Variants in DAB1 observed in about 807,000 individuals in gnomAD.
The protein encoded by DAB1 is DAB adaptor protein 1.
In DAB1, 15 loss-of-function variants were observed where a neutral mutation model predicts 64.6. That is an observed-to-expected ratio of 0.23 (90% CI 0.16 to 0.36). The LOEUF (loss-of-function observed/expected upper bound fraction) is 0.36. DAB1 is among the 10% of genes least tolerant of loss of function. The probability of loss-of-function intolerance (pLI) is 1.00; values close to 1 mark genes in which losing one functional copy is unlikely to be tolerated. For missense variants in DAB1, 596 were observed against 706.7 expected (o/e 0.84, Z 1.78); for synonymous variants, 235 against 251.9 (o/e 0.93, Z 0.64).
At chr1:57,313,414 G>A (rs1558146433) in intron 1 of DAB1, among the ~76,000 whole-genome samples, 1 of 152,170 alleles carries the variant, frequency 6.6e-6, no homozygotes, top group Non-Finnish European at 1.5e-5. Flanking sequence ...ATTATGACAA[G>A]CATAATCTTT....
Position 58,144,770 on chromosome 1 carries a change from G to A in DAB1, n.387+5741C>T, listed in dbSNP as rs114292969. Among the ~76,000 whole-genome samples, 580 of 152,304 alleles carry A rather than the reference G, an allele frequency of 3.8e-3. 4 individuals carry two copies. Among genetic ancestry groups the A allele is most frequent in the African/African-American group, 0.013 (558 of 41,558 alleles). On this transcript the variant is annotated intron_variant and non_coding_transcript_variant, in intron 5 of 20. Coordinates refer to the DAB1 transcript ENST00000485760. Reference sequence around the variant, plus strand: ...GCAGCAAGCAGCAGAGCCTGAATGAGAACACAAATGTCCTGATTGCCCAGG... The same window carrying A: ...GCAGCAAGCAGCAGAGCCTGAATGAAAACACAAATGTCCTGATTGCCCAGG...
At chr1:58,220,960 T>C (rs1659134822) in intron 4 of DAB1, among the ~76,000 whole-genome samples, 2 of 151,578 alleles carry the variant, frequency 1.3e-5, no homozygotes, top group South Asian at 2.1e-4. Context: ...TTGTGATCAT[T>C]GGCCAGCCCA....
At chr1:57,060,220 G>A (rs888946004) in intron 9 of DAB1, among the ~76,000 whole-genome samples, 3 of 151,020 alleles carry the variant, frequency 2.0e-5, no homozygotes, top group South Asian at 2.1e-4. Context: ...GCGCCATCTC[G>A]GCTCACTGCA....
intron 9 of DAB1, among the ~76,000 whole-genome samples, chr1:57,043,299 G>A (rs991255017): frequency 6.6e-6 from 1 of 152,056 alleles, no homozygotes; most frequent in African/African-American, 2.4e-5. Flanking sequence ...TTCTTTCCTT[G>A]TCTTCCAGTC....
At chr1:57,558,028 G>GTTCC in intron 7 of DAB1, among the ~76,000 whole-genome samples, 1 of 151,892 alleles carries the variant, frequency 6.6e-6, no homozygotes, top group South Asian at 2.1e-4. Flanking sequence ...TGCAACCCAA[G>GTTCC]TTGCATGCAC....
intron 3 of DAB1, among the ~76,000 whole-genome samples, chr1:58,484,568 A>G (rs61781782): frequency 0.067 from 10,210 of 152,284 alleles, 420 homozygotes; most frequent in Middle Eastern, 0.15. Context: ...CAGATGAGGA[A>G]ACTGAGTCTC....
intron 4 of DAB1, among the ~76,000 whole-genome samples, chr1:58,287,025 A>G (rs1043183907): frequency 3.9e-5 from 6 of 152,222 alleles, no homozygotes; most frequent in Non-Finnish European, 8.8e-5. Context: ...GCAGGGACAT[A>G]GATGGAGCTG....
intron 4 of DAB1, among the ~76,000 whole-genome samples, chr1:57,117,106 C>G (rs1419693129): frequency 6.6e-6 from 1 of 152,156 alleles, no homozygotes; most frequent in Non-Finnish European, 1.5e-5. Flanking sequence ...CCAATTCTCT[C>G]TCCAATTAAG....
chr1:57,430,684 A>G lies in DAB1; in HGVS notation n.626-139518T>C, dbSNP rs558620578. Among the ~76,000 whole-genome samples the G allele has an allele frequency of 5.7e-4, 87 of 152,226 alleles. No homozygotes were observed. The South Asian group carries it at 8.9e-3, about 16-fold the overall frequency. ...CAATTTTTAATAAAGTACAATAGGA[A>G]CACTCCTACCAAGCTTAATAGAGAT... On this transcript the variant is annotated intron_variant and non_coding_transcript_variant, in intron 7 of 20. Transcript: ENST00000485760.
chr1:57,068,303 GA>G (rs1328928737), intron 8 of DAB1, among the ~76,000 whole-genome samples: 1 of 152,080 alleles, frequency 6.6e-6, no homozygotes, highest in Non-Finnish European at 1.5e-5. Flanking sequence ...CCACAACTTT[GA>G]AAAAAGTCTC....
At chr1:58,415,810 G>A (rs1644714226) in intron 3 of DAB1, among the ~76,000 whole-genome samples, 1 of 152,196 alleles carries the variant, frequency 6.6e-6, no homozygotes, top group Admixed American at 6.5e-5. Flanking sequence ...ACCTGCCTCA[G>A]CAGCCAGACT....
chr1:57,083,181 T>C (rs1278156129), intron 4 of DAB1, among the ~76,000 whole-genome samples: 1 of 152,140 alleles, frequency 6.6e-6, no homozygotes, highest in African/African-American at 2.4e-5. Context: ...TACTTTACTA[T>C]GGAGGTACCT....
intron 1 of DAB1, among the ~76,000 whole-genome samples, chr1:57,333,181 T>C (rs750430307): frequency 1.3e-5 from 2 of 152,236 alleles, no homozygotes; most frequent in Non-Finnish European, 2.9e-5. Context: ...CTGGCTGGAA[T>C]GTAAGCCTCT....
At chr1:58,538,866 T>C (rs1375951436) in intron 1 of DAB1, 7 of 872,504 alleles carry the variant, frequency 8.0e-6, no homozygotes, top group South Asian at 7.8e-5. Flanking sequence ...CCGGAGCAGC[T>C]TGAAACCGTG....
intron 2 of DAB1, among the ~76,000 whole-genome samples, chr1:57,205,808 A>C (rs1053239020): frequency 9.2e-5 from 14 of 152,210 alleles, no homozygotes; most frequent in African/African-American, 3.4e-4. Context: ...AAGCTTAACA[A>C]ACCTAATTTC....
At chr1:57,406,769 C>T (rs1683675698) in intron 1 of DAB1, among the ~76,000 whole-genome samples, 1 of 152,214 alleles carries the variant, frequency 6.6e-6, no homozygotes, top group Non-Finnish European at 1.5e-5. Context: ...TAGAAAGGAT[C>T]CGAATCCTGT....
chr1:58,227,349 G>A (rs776433360), intron 4 of DAB1, among the ~76,000 whole-genome samples: 1 of 152,188 alleles, frequency 6.6e-6, no homozygotes, highest in African/African-American at 2.4e-5. Context: ...AAACTCCAGT[G>A]GGCATTGAAG....
At chr1:57,991,466 G>A (rs1020818934) in intron 5 of DAB1, among the ~76,000 whole-genome samples, 2 of 152,126 alleles carry the variant, frequency 1.3e-5, no homozygotes, top group Non-Finnish European at 2.9e-5. Flanking sequence ...AGCTGGACTC[G>A]CAGAGGACAG....
At chr1:57,573,781 A>T (rs1645218658) in intron 7 of DAB1, among the ~76,000 whole-genome samples, 1 of 152,182 alleles carries the variant, frequency 6.6e-6, no homozygotes, top group African/African-American at 2.4e-5. Flanking sequence ...GTTCACAATC[A>T]TTCCATATTA....
Sources: gnomAD v4.1 joint callset for allele counts (sites outside exome capture counted in the v4.1 genomes callset) on GRCh38, gnomAD v4.1.1 for gene constraint, MANE v1.5 for transcripts, NCBI Gene and HGNC (gene_info 2026-07-23, HGNC 2026-07-21) for gene names.